SLC8A1: variants seen among roughly 807,000 people sequenced by gnomAD.
SLC8A1 encodes sodium/calcium exchanger 1.
SLC8A1 carries 18 observed loss-of-function variants against 68.3 expected under a neutral mutation model. The ratio of observed to expected loss-of-function variants is 0.26; its 90% CI spans 0.18 to 0.39. The LOEUF is 0.39. Ranked by LOEUF, SLC8A1 falls within the 10% of genes least tolerant of loss-of-function variation. The pLI is 1.00. For synonymous variants in SLC8A1, 475 were observed against 415.5 expected (o/e 1.14, Z -1.74); for missense variants, 985 against 1,156.7 (o/e 0.85, Z 2.15).
chr2:40,420,582 C>T (rs868220883), intron 2 of SLC8A1, among the ~76,000 whole-genome samples: 17 of 152,152 alleles, frequency 1.1e-4, no homozygotes, highest in South Asian at 2.1e-4. Context: ...GTCAGCTACA[C>T]GGAGGGACTA....
At chr2:40,149,745 G>C (rs1432050807) in intron 6 of SLC8A1, among the ~76,000 whole-genome samples, 3 of 152,150 alleles carry the variant, frequency 2.0e-5, no homozygotes, top group Non-Finnish European at 4.4e-5. Flanking sequence ...GGCTTATGTG[G>C]ATATAAAACA....
chr2:40,170,908 C>T (rs1351061362), intron 4 of SLC8A1, among the ~76,000 whole-genome samples: 1 of 152,126 alleles, frequency 6.6e-6, no homozygotes, highest in Admixed American at 6.5e-5. Flanking sequence ...CTGTCTAAGA[C>T]AGGCAGAATG....
intron 1 of SLC8A1, among the ~76,000 whole-genome samples, chr2:40,460,873 A>ACTG (rs572229382): frequency 6.3e-4 from 76 of 121,048 alleles, no homozygotes; most frequent in African/African-American, 2.2e-3. Context: ...GCACCTGACT[A>ACTG]TAAGGATTTT....
chr2:40,412,995 G>A (rs1692654938), intron 2 of SLC8A1, among the ~76,000 whole-genome samples: 1 of 152,052 alleles, frequency 6.6e-6, no homozygotes, highest in Non-Finnish European at 1.5e-5. Context: ...TTGGTGTGCT[G>A]CACCCATTAA....
At chr2:40,257,897 G>A (rs565606059) in intron 2 of SLC8A1, among the ~76,000 whole-genome samples, 6 of 151,864 alleles carry the variant, frequency 4.0e-5, no homozygotes, top group South Asian at 2.1e-4. Flanking sequence ...AGCATTTCCC[G>A]CAGCAAAGAT....
intron 1 of SLC8A1, among the ~76,000 whole-genome samples, chr2:40,464,337 T>G (rs749727565): frequency 1.3e-5 from 2 of 152,232 alleles, no homozygotes; most frequent in Admixed American, 1.3e-4. Flanking sequence ...ACGCATTTCA[T>G]AACTTTAAAA....
chr2:40,471,437 C>A (rs1292237033), intron 1 of SLC8A1, among the ~76,000 whole-genome samples: 2 of 152,084 alleles, frequency 1.3e-5, no homozygotes, highest in Non-Finnish European at 1.5e-5. Context: ...GAATAGATGA[C>A]CTCATCCATC....
At chr2:40,266,569 C>G (rs1559027591) in intron 2 of SLC8A1, among the ~76,000 whole-genome samples, 2 of 152,088 alleles carry the variant, frequency 1.3e-5, no homozygotes, top group African/African-American at 4.8e-5. Flanking sequence ...CGTAATGATG[C>G]CTGCTGTTTT....
chr2:40,495,440 T>A (rs1326062124), intron 1 of SLC8A1, among the ~76,000 whole-genome samples: 1 of 152,058 alleles, frequency 6.6e-6, no homozygotes, highest in Non-Finnish European at 1.5e-5. Context: ...AGTGTTTTTT[T>A]CTTCTTCTTC....
At chr2:40,477,881 G>A (rs1704389490) in intron 1 of SLC8A1, among the ~76,000 whole-genome samples, 1 of 152,136 alleles carries the variant, frequency 6.6e-6, no homozygotes, top group African/African-American at 2.4e-5. Context: ...CAGAATAGTT[G>A]TGACTTGGTA....
At chr2:40,145,753 T>C (rs2148334012) in intron 6 of SLC8A1, among the ~76,000 whole-genome samples, 1 of 152,362 alleles carries the variant, frequency 6.6e-6, no homozygotes, top group South Asian at 2.1e-4. Flanking sequence ...TTTGTGTATG[T>C]GTGAGAAAGT....
chr2:40,259,975 T>C (rs1470204915), intron 2 of SLC8A1, among the ~76,000 whole-genome samples: 3 of 152,194 alleles, frequency 2.0e-5, no homozygotes, highest in African/African-American at 7.2e-5. Context: ...ATTGTATGTG[T>C]TCTATGTCTC....
chr2:40,218,286 C>T (rs1558802980), intron 2 of SLC8A1, among the ~76,000 whole-genome samples: 2 of 152,224 alleles, frequency 1.3e-5, no homozygotes, highest in East Asian at 1.9e-4. Flanking sequence ...CTTTGATAAA[C>T]TCATTACAAA....
chr2:40,150,914 C>A (rs964317499), intron 6 of SLC8A1, among the ~76,000 whole-genome samples: 8 of 152,086 alleles, frequency 5.3e-5, no homozygotes, highest in African/African-American at 1.9e-4. Context: ...ATTTTTAGAT[C>A]GACAGATATC....
chr2:40,127,841 G>A (rs945164633), intron 7 of SLC8A1, among the ~76,000 whole-genome samples: 5 of 152,156 alleles, frequency 3.3e-5, no homozygotes, highest in Non-Finnish European at 7.4e-5. Context: ...AAAATAAGCT[G>A]TTTTCTCCTT....
intron 2 of SLC8A1, among the ~76,000 whole-genome samples, chr2:40,370,598 C>G (rs1043565461): frequency 3.3e-5 from 5 of 151,874 alleles, no homozygotes; most frequent in Non-Finnish European, 5.9e-5. Context: ...AGCTTTCTGC[C>G]AAAACTACAT....
chr2:40,198,048 C>G (rs1021077127), intron 2 of SLC8A1, among the ~76,000 whole-genome samples: 7 of 151,922 alleles, frequency 4.6e-5, no homozygotes, highest in African/African-American at 1.7e-4. Context: ...AGATGAGGAA[C>G]AGCAGAGGAA....
At chr2:40,499,044 A>G (rs1046097294) in intron 1 of SLC8A1, among the ~76,000 whole-genome samples, 7 of 152,134 alleles carry the variant, frequency 4.6e-5, no homozygotes, top group African/African-American at 1.7e-4. Flanking sequence ...AATAGACTAA[A>G]GAAACTGGAG....
Position 40,466,398 on chromosome 2 carries a change from A to T in SLC8A1, c.-24-36094T>A, listed in dbSNP as rs565444802. Among the ~76,000 whole-genome samples, 3 of 152,258 alleles carry T rather than the reference A, an allele frequency of 2.0e-5. No individual in the cohort carries two copies. The South Asian group carries it at 6.2e-4, about 32-fold the overall frequency. ...AGCAAAGAAGCTTCACAGGGGCTAC[A>T]CTCAAGCATATTATTAAAACATGTC... On this transcript the variant is annotated intron_variant, in intron 1 of 7. Coordinates refer to the SLC8A1 transcript ENST00000402441.
Sources: allele counts gnomAD v4.1 joint callset (sites outside exome capture counted in the v4.1 genomes callset), GRCh38; gene constraint gnomAD v4.1.1; transcripts MANE v1.5; gene names NCBI Gene and HGNC (gene_info 2026-07-23, HGNC 2026-07-21).